Variants in CCNI observed in about 807,000 individuals in gnomAD.
CCNI encodes cyclin I, also known as cyclin-I.
A neutral mutation model predicts 34.1 loss-of-function variants in CCNI; 14 were observed. The observed-to-expected ratio is 0.41, with a 90% CI of 0.27 to 0.64. The LOEUF (loss-of-function observed/expected upper bound fraction) is 0.64, where lower values mean the gene tolerates loss of function less well. Ranked by LOEUF, CCNI falls within the 30% of genes least tolerant of loss-of-function variation. The pLI, the probability that CCNI is intolerant of heterozygous loss-of-function variation, is 0.31. For synonymous variants in CCNI, 154 were observed against 158.4 expected, an observed-to-expected ratio of 0.97 and a Z score of 0.21; for missense variants, 385 against 440.5, an observed-to-expected ratio of 0.87 and a Z score of 1.13.
At position 77,056,607 on chromosome 4, in the gene CCNI, T is replaced by G. The variant is rs4252891; in HGVS notation, c.244-284A>C. The G allele has an allele frequency of 2.2e-3, 478 of 219,448 alleles. 5 individuals carry two copies. The highest frequency in any genetic ancestry group is 8.3e-3 in the South Asian group (132 of 15,974). The allele number at this position is 219,448 out of a possible 1,614,324, so 13.6% of individuals were successfully genotyped here. A position where few individuals can be genotyped will look rare whatever the true frequency, so the allele number is the denominator to read the frequency against. ...CTAACTTTTTTTTTTTTTTTTTTTT[T>G]GAGACGGAGTCTTGGCCTGTCGCCC... is the stretch of plus-strand genomic sequence containing the variant. On this transcript the variant is annotated intron_variant, in intron 3 of 6. Coordinates refer to ENST00000237654, the MANE Select transcript of CCNI (RefSeq NM_006835.3).
chr4:77,068,096 T>G (rs535925506), intron 1 of CCNI, among the ~76,000 whole-genome samples: 1 of 152,152 alleles, frequency 6.6e-6, no homozygotes, highest in South Asian at 2.1e-4. Flanking sequence ...GAAAATCGCT[T>G]TAACCCAGGA....
intron 6 of CCNI, among the ~76,000 whole-genome samples, chr4:77,052,172 C>T (rs1021735443): frequency 1.3e-5 from 2 of 151,296 alleles, no homozygotes; most frequent in Non-Finnish European, 2.9e-5. Context: ...TTTATGTCCG[C>T]GTGTACCCAA....
chr4:77,048,200 A>G lies in CCNI; in HGVS notation c.*19T>C. 6.3e-7 allele frequency: 1 copy of G among 1,598,290 alleles called. No homozygotes were observed. The highest frequency in any genetic ancestry group is 8.5e-7 in the Non-Finnish European group (1 of 1,169,738). On this transcript the variant is annotated 3_prime_UTR_variant, in exon 7 of 7. Coordinates refer to ENST00000237654, the MANE Select transcript of CCNI (RefSeq NM_006835.3). The stretch of plus-strand genomic sequence containing the variant: ...AGTAGTCTACCTTAGTTTACACTCA[A>G]AGGTAGCACTTGTTGAAACTACATG...
rs766688791 is a variant in CCNI at position 77,066,368 on chromosome 4, C to G, written c.-6G>C. ...AAAGGCCCTGGAAACTTCATGATAT[C>G]CTTTGGATCTGCCTGCTACCCAGCT... On this transcript the variant is annotated 5_prime_UTR_variant, in exon 2 of 7. Transcript: ENST00000237654. The G allele has an allele frequency of 6.2e-7, 1 of 1,613,734 alleles. No homozygotes were observed. Among genetic ancestry groups the G allele is most frequent in the African/African-American group, 1.3e-5 (1 of 74,888 alleles).
intron 6 of CCNI, among the ~76,000 whole-genome samples, chr4:77,050,628 G>C (rs112915549): frequency 1.0e-3 from 156 of 152,200 alleles, no homozygotes; most frequent in African/African-American, 3.6e-3. Context: ...CTGTGGGTAA[G>C]ACACTATTAA....
At chr4:77,058,953 A>G (rs991658397) in intron 2 of CCNI, among the ~76,000 whole-genome samples, 1 of 143,598 alleles carries the variant, frequency 7.0e-6, no homozygotes, top group Non-Finnish European at 1.6e-5. Context: ...TTATCAACTG[A>G]TAGTAATTTG....
chr4:77,075,673 GGGACGCACGGC>G lies in CCNI; in HGVS notation c.-256_-246del. 1.7e-6 allele frequency: 1 copy of G among 587,634 alleles called. No individual in the cohort carries two copies. The highest frequency in any genetic ancestry group is 2.0e-5 in the African/African-American group (1 of 49,708). The allele number at this position is 587,634 out of a possible 1,614,324, so 36.4% of individuals were successfully genotyped here. Reference sequence around the variant, plus strand: ...CGGGCGCGGGCGCTGGCGCTCGAGCGGGACGCACGGCTGCGGCCGCTGGGTCGGTCAGCGAA... The same window carrying G: ...CGGGCGCGGGCGCTGGCGCTCGAGCGTGCGGCCGCTGGGTCGGTCAGCGAA... On this transcript the variant is annotated 5_prime_UTR_variant, in exon 1 of 7. Coordinates refer to ENST00000237654, the MANE Select transcript of CCNI (RefSeq NM_006835.3).
At chr4:77,056,402 C>G in intron 3 of CCNI, 79 bp from the exon 4 acceptor site, 1 of 1,014,398 alleles carries the variant, frequency 9.9e-7, no homozygotes, top group Non-Finnish European at 1.6e-6. Flanking sequence ...TTTTAAAAAC[C>G]TAGATATGCA....
chr4:77,048,185 C>A lies in CCNI; in HGVS notation c.*34G>T, dbSNP rs756914794. The A allele has an allele frequency of 2.6e-6, 4 of 1,554,570 alleles. No individual in the cohort carries two copies. The South Asian group carries it at 3.5e-5, about 14-fold the overall frequency. The stretch of plus-strand genomic sequence containing the variant: ...TGTTCTCATTCCCAAAGTAGTCTAC[C>A]TTAGTTTACACTCAAAGGTAGCACT... On this transcript the variant is annotated 3_prime_UTR_variant, in exon 7 of 7. Transcript: ENST00000237654.
At chr4:77,073,343 G>C (rs1262605731) in intron 1 of CCNI, among the ~76,000 whole-genome samples, 1 of 152,150 alleles carries the variant, frequency 6.6e-6, no homozygotes, top group African/African-American at 2.4e-5. Flanking sequence ...TATACATACA[G>C]GGCCCCCTGC....
At chr4:77,054,637 T>C (rs1728083927) in intron 6 of CCNI, among the ~76,000 whole-genome samples, 1 of 152,230 alleles carries the variant, frequency 6.6e-6, no homozygotes, top group Non-Finnish European at 1.5e-5. Context: ...AGATACAAGT[T>C]ACAAACTAAT....
chr4:77,048,970 T>TG lies in CCNI; in HGVS notation c.691-309_691-308insC, dbSNP rs1447800486. On this transcript the variant is annotated intron_variant, in intron 6 of 6. Coordinates refer to ENST00000237654, the MANE Select transcript of CCNI (RefSeq NM_006835.3). ...TTTTGTATCCAACGTCTGTTTTTTT[T>TG]TTTTTTTTTTTTTTTTTTCAGTCTA... is the stretch of plus-strand genomic sequence containing the variant. 5.4e-3 allele frequency among the ~76,000 whole-genome samples: 771 copies of TG among 142,782 alleles called. 16 individuals are homozygous for TG. The highest frequency in any genetic ancestry group is 0.02 in the African/African-American group (754 of 38,554). 93.7% of individuals were successfully genotyped at this position (142,782 alleles called of 152,430 possible). A position where few individuals can be genotyped will look rare whatever the true frequency, so the allele number is the denominator to read the frequency against.
chr4:77,061,614 G>A (rs1404628272), intron 2 of CCNI, among the ~76,000 whole-genome samples: 1 of 152,132 alleles, frequency 6.6e-6, no homozygotes, highest in African/African-American at 2.4e-5. Context: ...AAAAGATTAA[G>A]TACAATTCCC....
chr4:77,066,260 G>T lies in CCNI; in HGVS notation c.103C>A (p.Pro35Thr), dbSNP rs755596191. The change falls in exon 2 of 7, where the codon CCT becomes ACT. Residue 35 changes from proline to threonine, a missense_variant. Coordinates refer to ENST00000237654, the MANE Select transcript of CCNI (RefSeq NM_006835.3). ...QMWKVNVRKM[P>T]SNQNVSPSQR... The stretch of plus-strand genomic sequence containing the variant: ...AGAAAAATCATTACCTGATTTGAAG[G>T]CATTTTCCGCACATTCACTTTCCAC... The T allele has an allele frequency of 6.2e-7, 1 of 1,613,580 alleles. No homozygotes were observed. Among genetic ancestry groups the T allele is most frequent in the Non-Finnish European group, 8.5e-7 (1 of 1,179,656 alleles).
chr4:77,048,964 T>TTTG (rs1727645213), intron 6 of CCNI, among the ~76,000 whole-genome samples: 1 of 83,820 alleles, frequency 1.2e-5, no homozygotes, highest in African/African-American at 1.0e-4. Flanking sequence ...CAACGTCTGT[T>TTTG]TTTTTTTTTT....
rs1037022781 is a variant in CCNI, at chr4:77,047,818, T to C, written c.*401A>G. ...CAACATGCATAAAGTTCAGTAACTA[T>C]TAAATGGAGAAGCAAGCAAAAGCAA... is the stretch of plus-strand genomic sequence containing the variant. On this transcript the variant is annotated 3_prime_UTR_variant, in exon 7 of 7. Transcript: ENST00000237654. 5.8e-6 allele frequency: 1 copy of C among 172,284 alleles called. No individual in the cohort carries two copies. Among genetic ancestry groups the C allele is most frequent in the African/African-American group, 2.4e-5 (1 of 41,680 alleles). 10.7% of individuals were successfully genotyped at this position (172,284 alleles called of 1,614,324 possible).
chr4:77,057,770 A>T (rs1216586515), intron 3 of CCNI, among the ~76,000 whole-genome samples: 3 of 152,238 alleles, frequency 2.0e-5, no homozygotes, highest in Non-Finnish European at 4.4e-5. Context: ...TACCAAAGTA[A>T]GCCCGTAGAA....
intron 6 of CCNI, 21 bp downstream of exon 6, chr4:77,055,129 T>C: frequency 1.3e-6 from 2 of 1,506,616 alleles, no homozygotes; most frequent in Non-Finnish European, 1.8e-6. Context: ...AAGAACACTA[T>C]TTAATTAGAC....
At chr4:77,073,249 C>A (rs758907303) in intron 1 of CCNI, among the ~76,000 whole-genome samples, 18 of 152,178 alleles carry the variant, frequency 1.2e-4, no homozygotes, top group Non-Finnish European at 2.4e-4. Flanking sequence ...GCTGCCGCTT[C>A]TCCTTTCTCC....
Sources: allele counts gnomAD v4.1 joint callset (sites outside exome capture counted in the v4.1 genomes callset), GRCh38; gene constraint gnomAD v4.1.1; transcripts MANE v1.5; gene names NCBI Gene and HGNC (gene_info 2026-07-23, HGNC 2026-07-21).